The following SLC4A5 variants were observed in gnomAD, a reference collection of about 807,000 sequenced individuals.
SLC4A5 encodes the protein solute carrier family 4 member 5, also known as electrogenic sodium bicarbonate cotransporter 4.
A neutral mutation model predicts 120.4 loss-of-function variants in SLC4A5; 96 were observed. The ratio of observed to expected loss-of-function variants is 0.80; its 90% CI spans 0.68 to 0.94. SLC4A5 has a LOEUF of 0.94. Ranked by LOEUF, SLC4A5 falls within the 40% of genes least tolerant of loss-of-function variation. SLC4A5 has a pLI of 0.00. For synonymous variants in SLC4A5, 550 were observed against 571.1 expected (o/e 0.96, Z 0.53); for missense variants, 1,259 against 1,459.5 (o/e 0.86, Z 2.24).
intron 7 of SLC4A5, among the ~76,000 whole-genome samples, chr2:74,303,746 C>G (rs1672546761): frequency 6.6e-6 from 1 of 152,188 alleles, no homozygotes; most frequent in Non-Finnish European, 1.5e-5. Context: ...AATTCTGTAC[C>G]AGGTCTTTCA....
At position 74,327,931 on chromosome 2, in the gene SLC4A5, G is replaced by A. The variant is rs974474958; in HGVS notation, c.-3+189C>T. Among the ~76,000 whole-genome samples the A allele has an allele frequency of 2.6e-5, 4 of 152,176 alleles. No individual in the cohort carries two copies. In the South Asian group the frequency reaches 8.3e-4, roughly 32 times the overall value. ...CCTCAAGGCCAGGGTGATAAAAACAGTATAATTTTTAAAGGAAAACCAAAT... is the reference window on the plus strand; with the variant it reads ...CCTCAAGGCCAGGGTGATAAAAACAATATAATTTTTAAAGGAAAACCAAAT... On this transcript the variant is annotated intron_variant, in intron 5 of 30. Transcript: ENST00000394019.
chr2:74,223,086 C>CTTA lies in SLC4A5; in HGVS notation c.3247-135_3247-134insTAA, dbSNP rs1273344200. 1.1e-5 allele frequency: 6 copies of CTTA among 526,730 alleles called. No individual in the cohort carries two copies. In the East Asian group the frequency reaches 2.2e-4, roughly 20 times the overall value. 32.6% of individuals were successfully genotyped at this position (526,730 alleles called of 1,614,324 possible). Reference sequence around the variant, plus strand: ...GTGGTGCGATCTCGGCTCACTGTAACCTCTGCCTCCTGGGTTCAAGTGATT... The same window carrying CTTA: ...GTGGTGCGATCTCGGCTCACTGTAACTTACTCTGCCTCCTGGGTTCAAGTGATT... On this transcript the variant is annotated intron_variant, in intron 28 of 30. Transcript: ENST00000394019.
chr2:74,286,265 C>T (rs1307315854), intron 7 of SLC4A5, among the ~76,000 whole-genome samples: 1 of 152,128 alleles, frequency 6.6e-6, no homozygotes, highest in Non-Finnish European at 1.5e-5. Context: ...GTTCTTCTTC[C>T]CACCGGGCCC....
At chr2:74,247,119 G>T in exon 19 of SLC4A5, 1 of 1,614,212 alleles carries the variant, frequency 6.2e-7, no homozygotes, top group African/African-American at 1.3e-5. Flanking sequence ...GTACTTGAAG[G>T]CACCGATCAT....
chr2:74,328,257 T>A (rs767198455), intron 4 of SLC4A5, 71 bp from the exon 5 acceptor site: 1 of 938,394 alleles, frequency 1.1e-6, no homozygotes, highest in Non-Finnish European at 1.3e-6. Flanking sequence ...GAGATTGACT[T>A]CTGAGGCTCA....
intron 5 of SLC4A5, among the ~76,000 whole-genome samples, chr2:74,325,988 A>G (rs1393684005): frequency 6.6e-6 from 1 of 151,740 alleles, no homozygotes; most frequent in East Asian, 1.9e-4. Flanking sequence ...AGAAATAAAG[A>G]TGTGAGAAAC....
At chr2:74,267,720 G>A (rs1438290348) in intron 8 of SLC4A5, among the ~76,000 whole-genome samples, 1 of 152,252 alleles carries the variant, frequency 6.6e-6, no homozygotes, top group Non-Finnish European at 1.5e-5. Flanking sequence ...GTTAGGCTGG[G>A]TGAGGTGGCT....
chr2:74,247,075 T>A lies in SLC4A5; in HGVS notation c.2020A>T (p.Ile674Phe), dbSNP rs375614358. 4.2e-5 allele frequency: 67 copies of A among 1,614,056 alleles called. 1 individual carries two copies. Among genetic ancestry groups the A allele is most frequent in the Non-Finnish European group, 5.1e-5 (60 of 1,180,028 alleles). Residue 674 changes from isoleucine to phenylalanine, a missense_variant, in exon 19 of 31, where the codon ATC becomes TTC. Physicochemically the swap from Ile to Phe is conservative, Grantham distance 21. Transcript: ENST00000394019. ...ACACACTCGCACTTGTAGGTAGTGA[T>A]GAAGTTTGGCTTGAAGTCCATATTG...
At chr2:74,234,952 G>T (rs1489120032) in intron 22 of SLC4A5, 149 bp downstream of exon 22, 2 of 628,022 alleles carry the variant, frequency 3.2e-6, no homozygotes. Flanking sequence ...CTGGCTCCTG[G>T]GAGCCTGTGT....
chr2:74,223,240 G>T (rs1214108715), intron 28 of SLC4A5, among the ~76,000 whole-genome samples: 1 of 152,008 alleles, frequency 6.6e-6, no homozygotes, highest in Admixed American at 6.6e-5. Flanking sequence ...TCCTGACCTT[G>T]TGATCCCCCC....
chr2:74,225,013 T>C lies in SLC4A5; in HGVS notation c.3091-18A>G. 6.3e-7 allele frequency: 1 copy of C among 1,595,590 alleles called. No homozygotes were observed. The highest frequency in any genetic ancestry group is 8.5e-7 in the Non-Finnish European group (1 of 1,175,184). On this transcript the variant is annotated intron_variant, in intron 27 of 30. Coordinates refer to ENST00000394019, the Ensembl canonical transcript of SLC4A5. The stretch of plus-strand genomic sequence containing the variant: ...CCCAGGATCTGTGGTGGAGAGAGAC[T>C]AAAGTTTTGTGAGAATTTGGAGAAA...
At chr2:74,305,946 G>C (rs187358514) in intron 6 of SLC4A5, among the ~76,000 whole-genome samples, 1 of 151,914 alleles carries the variant, frequency 6.6e-6, no homozygotes, top group African/African-American at 2.4e-5. Context: ...GGCTGGTCTC[G>C]AACTCCTGAC....
chr2:74,245,108 CAA>C (rs893654239), intron 19 of SLC4A5, among the ~76,000 whole-genome samples: 1 of 152,032 alleles, frequency 6.6e-6, no homozygotes, highest in African/African-American at 2.4e-5. Context: ...ATCACGAGGT[CAA>C]GAGATCGAAA....
intron 7 of SLC4A5, among the ~76,000 whole-genome samples, chr2:74,300,346 T>A (rs11126429): frequency 0.071 from 10,806 of 152,238 alleles, 1,284 homozygotes; most frequent in African/African-American, 0.25. Context: ...TACCATACAC[T>A]CGCACAAAGG....
rs55689286 is a variant in SLC4A5, at chr2:74,229,104, C to CTTTTTTTTTTTTTTTTTT, written c.2848-1227_2848-1226insAAAAAAAAAAAAAAAAAA. Among the ~76,000 whole-genome samples the CTTTTTTTTTTTTTTTTTT allele has an allele frequency of 2.4e-4, 24 of 98,590 alleles. 1 individual carries two copies. Among genetic ancestry groups the CTTTTTTTTTTTTTTTTTT allele is most frequent in the South Asian group, 3.8e-4 (1 of 2,656 alleles). 64.7% of individuals were successfully genotyped at this position (98,590 alleles called of 152,430 possible). A position where few individuals can be genotyped will look rare whatever the true frequency, so the allele number is the denominator to read the frequency against. ...AAAGAAGTCTGTTCTTAGATTTGAG[C>CTTTTTTTTTTTTTTTTTT]TTTTTTTTTTTTCTTGAGACAGAGT... is the stretch of plus-strand genomic sequence containing the variant. On this transcript the variant is annotated intron_variant, in intron 25 of 30. Transcript: ENST00000394019.
rs752678579 is a variant in SLC4A5 at position 74,252,372 on chromosome 2, G to A, written c.1285C>T (p.Leu429=). 5.6e-6 allele frequency: 9 copies of A among 1,612,972 alleles called. No individual in the cohort carries two copies. The East Asian group carries it at 1.3e-4, about 24-fold the overall frequency. Residue 429 remains leucine, a synonymous_variant, in exon 16 of 31, where the codon CTA becomes TTA. Transcript: ENST00000394019. ...CCATTCATCTGGCCCAGCTCTGCTA[G>A]GGAGAACACAGATTTCCTGGAAGAG... is the stretch of plus-strand genomic sequence containing the variant.
intron 8 of SLC4A5, among the ~76,000 whole-genome samples, chr2:74,269,062 T>C (rs1377831053): frequency 6.6e-6 from 1 of 152,236 alleles, no homozygotes; most frequent in African/African-American, 2.4e-5. Context: ...AGACAAGTTG[T>C]AGCTGACCTT....
intron 16 of SLC4A5, among the ~76,000 whole-genome samples, chr2:74,251,714 G>C (rs1325664607): frequency 6.6e-6 from 1 of 152,172 alleles, no homozygotes; most frequent in Non-Finnish European, 1.5e-5. Context: ...AGGCAGAGCC[G>C]GGGGTGATGC....
At chr2:74,263,764 T>C (rs1301784894) in intron 10 of SLC4A5, among the ~76,000 whole-genome samples, 1 of 152,204 alleles carries the variant, frequency 6.6e-6, no homozygotes, top group African/African-American at 2.4e-5. Context: ...CTACCAGCAT[T>C]TCCCAATGCT....
Sources: gnomAD v4.1 joint callset for allele counts (sites outside exome capture counted in the v4.1 genomes callset) on GRCh38, gnomAD v4.1.1 for gene constraint, MANE v1.5 for transcripts, NCBI Gene and HGNC (gene_info 2026-07-23, HGNC 2026-07-21) for gene names.